Variants in WHAMM observed in about 807,000 individuals in gnomAD.
WHAMM encodes the protein WASP homolog-associated protein with actin, membranes and microtubules.
Under a neutral mutation model 76.5 loss-of-function variants are expected in WHAMM, and 67 were observed. The ratio of observed to expected loss-of-function variants is 0.88; its 90% confidence interval spans 0.72 to 1.07. WHAMM has a LOEUF of 1.07. Among genes scored for constraint, WHAMM ranks in the 50% least tolerant of loss-of-function variants. The probability of loss-of-function intolerance (pLI) is 0.00; values close to 1 mark genes in which losing one functional copy is unlikely to be tolerated. For synonymous variants in WHAMM, 419 were observed against 422.1 expected (o/e 0.99, Z 0.09); for missense variants, 1,021 against 1,051.1 (o/e 0.97, Z 0.40).
At chr15:82,822,890 T>C (rs1421577742) in intron 5 of WHAMM, among the ~76,000 whole-genome samples, 4 of 149,344 alleles carry the variant, frequency 2.7e-5, no homozygotes, top group African/African-American at 5.0e-5. Flanking sequence ...TACATGGATA[T>C]ACACACATGC....
chr15:82,815,138 TATATATATATATATATA>T lies in WHAMM; in HGVS notation c.784-1553_784-1537del, dbSNP rs1445735790. On this transcript the variant is annotated intron_variant, in intron 2 of 9. Coordinates refer to ENST00000286760, the MANE Select transcript of WHAMM (RefSeq NM_001080435.3). ...ATATATATATATATATATATATATATATATATATATATATATAGTACAATTCAGTGATTTTTAGTATA... is the reference window on the plus strand; with the variant it reads ...ATATATATATATATATATATATATATGTACAATTCAGTGATTTTTAGTATA... Among the ~76,000 whole-genome samples the T allele has an allele frequency of 3.7e-3, 130 of 35,090 alleles. 6 individuals are homozygous for T. Among genetic ancestry groups the T allele is most frequent in the African/African-American group, 0.02 (92 of 4,620 alleles). 23.0% of individuals were successfully genotyped at this position (35,090 alleles called of 152,430 possible).
At chr15:82,817,152 G>A (rs575955614) in intron 3 of WHAMM, among the ~76,000 whole-genome samples, 1 of 152,172 alleles carries the variant, frequency 6.6e-6, no homozygotes, top group Non-Finnish European at 1.5e-5. Context: ...GAGAAGTGGC[G>A]CTTGCCCCAA....
intron 1 of WHAMM, among the ~76,000 whole-genome samples, chr15:82,812,065 C>A (rs1400625852): frequency 1.3e-5 from 2 of 152,158 alleles, no homozygotes; most frequent in Admixed American, 1.3e-4. Flanking sequence ...AGTTTATTTT[C>A]TGCCCTGCAG....
chr15:82,821,123 G>T lies in WHAMM; in HGVS notation c.1270+1635G>T, dbSNP rs1369293959. ...TATGAAATGCCTATTCATAGTCTTT[G>T]TCCATTTTTCTTTGGAATATTTCCT... On this transcript the variant is annotated intron_variant, in intron 5 of 9. Coordinates refer to ENST00000286760, the MANE Select transcript of WHAMM (RefSeq NM_001080435.3). 2.0e-5 allele frequency among the ~76,000 whole-genome samples: 3 copies of T among 152,158 alleles called. No individual in the cohort carries two copies. In the East Asian group the frequency reaches 5.8e-4, roughly 29 times the overall value.
chr15:82,816,248 A>G (rs1350034758), intron 2 of WHAMM, among the ~76,000 whole-genome samples: 1 of 152,244 alleles, frequency 6.6e-6, no homozygotes, highest in Non-Finnish European at 1.5e-5. Flanking sequence ...TGTTATAAGC[A>G]TGAATATACA....
At position 82,830,709 on chromosome 15, in the gene WHAMM, A is replaced by G. The variant is rs1309118708; in HGVS notation, c.1752A>G (p.Ser584=). Residue 584 remains serine (S), a synonymous_variant, in exon 9 of 10, where the codon TCA becomes TCG. Coordinates refer to ENST00000286760, the MANE Select transcript of WHAMM (RefSeq NM_001080435.3). ...GCTTGCCAGCTTCCCACGCGGTGTC[A>G]GTAATTCACCCGTCCTCTAGGAAAA... ...QMCLPASHAV[S]VIHPSSRKTR... The G allele has an allele frequency of 2.5e-6, 4 of 1,613,890 alleles. No homozygotes were observed.
intron 5 of WHAMM, 73 bp from the exon 6 acceptor site, chr15:82,823,027 T>C: frequency 8.2e-7 from 1 of 1,218,742 alleles, no homozygotes; most frequent in Non-Finnish European, 1.1e-6. Flanking sequence ...TTATTTTTCT[T>C]ACATTTAAAA....
intron 6 of WHAMM, among the ~76,000 whole-genome samples, chr15:82,824,453 TG>T (rs1179900016): frequency 1.3e-5 from 2 of 152,202 alleles, no homozygotes; most frequent in Non-Finnish European, 2.9e-5. Flanking sequence ...CCTGAGTAGC[TG>T]GGATTACAGG....
chr15:82,827,450 T>C (rs559556135), intron 8 of WHAMM, among the ~76,000 whole-genome samples: 12 of 152,280 alleles, frequency 7.9e-5, no homozygotes, highest in African/African-American at 2.6e-4. Flanking sequence ...AGAGATAAAT[T>C]CCTTTAAAAA....
chr15:82,823,250 G>A lies in WHAMM; in HGVS notation c.1421G>A (p.Arg474Lys). The A allele has an allele frequency of 6.4e-7, 1 of 1,559,862 alleles. No homozygotes were observed. Among genetic ancestry groups the A allele is most frequent in the Non-Finnish European group, 8.7e-7 (1 of 1,150,462 alleles). Residue 474 changes from arginine (R) to lysine (K), a missense_variant, in exon 6 of 10, where the codon AGG becomes AAG. This residue lies in a region of WHAMM where 509 missense variants were observed against 492.3 expected (regional missense o/e 1.03). Transcript: ENST00000286760. Reference sequence around the variant, plus strand: ...CAGCAGCTGGAGTCTAAACGGGGCAGGATCTGTGCCAAAAGAGCCTCTCTC... The same window carrying A: ...CAGCAGCTGGAGTCTAAACGGGGCAAGATCTGTGCCAAAAGAGCCTCTCTC... ...QCQQLESKRGRICAKRASLRS... is the reference protein window; with the variant it reads ...QCQQLESKRGKICAKRASLRS...
intron 2 of WHAMM, among the ~76,000 whole-genome samples, chr15:82,814,712 A>G (rs1471092161): frequency 1.3e-5 from 2 of 151,422 alleles, no homozygotes; most frequent in Non-Finnish European, 2.9e-5. Context: ...TTGGGCTCCC[A>G]AAGTGCTGGG....
intron 6 of WHAMM, among the ~76,000 whole-genome samples, chr15:82,824,271 C>T (rs1265966599): frequency 1.3e-5 from 2 of 149,950 alleles, no homozygotes; most frequent in Non-Finnish European, 3.0e-5. Context: ...GAGTCTTCTG[C>T]CTCAGCCTCC....
Position 82,810,161 on chromosome 15 carries a change from G to C in WHAMM, c.435G>C (p.Leu145=). The part of the protein sequence containing the change: ...AGPGEAALQE[L]CGQLERYLGA... The stretch of plus-strand genomic sequence containing the variant: ...CCGGCGAGGCGGCGCTGCAGGAGCT[G>C]TGCGGGCAGCTGGAACGCTATCTGG... The change falls in exon 1 of 10, where the codon CTG becomes CTC. Residue 145 remains leucine (L), a synonymous_variant. Transcript: ENST00000286760. 6 of 1,397,332 alleles carry C rather than the reference G, an allele frequency of 4.3e-6. No homozygotes were observed. The highest frequency in any genetic ancestry group is 3.0e-5 in the African/African-American group (2 of 66,290). 86.6% of individuals were successfully genotyped at this position (1,397,332 alleles called of 1,614,324 possible). A position where few individuals can be genotyped will look rare whatever the true frequency, so the allele number is the denominator to read the frequency against.
rs762550826 is a variant in WHAMM at position 82,823,243 on chromosome 15, C to T, written c.1414C>T (p.Arg472Trp). 20 of 1,579,440 alleles carry T rather than the reference C, an allele frequency of 1.3e-5. No individual in the cohort carries two copies. Among genetic ancestry groups the T allele is most frequent in the Admixed American group, 6.9e-5 (4 of 57,554 alleles). ...GCAGTGCCAGCAGCTGGAGTCTAAA[C>T]GGGGCAGGATCTGTGCCAAAAGAGC... ...RRQCQQLESK[R>W]GRICAKRASL... is the part of the protein sequence containing the mutation. Residue 472 changes from arginine to tryptophan, a missense_variant, in exon 6 of 10, where the codon CGG becomes TGG. By Grantham distance (101) the Arg-to-Trp change is moderately radical (BLOSUM62 -3). This residue lies in a region of WHAMM where 509 missense variants were observed against 492.3 expected (regional missense o/e 1.03). Transcript: ENST00000286760.
intron 8 of WHAMM, 125 bp downstream of exon 8, chr15:82,826,971 C>G: frequency 9.3e-7 from 1 of 1,078,078 alleles, no homozygotes; most frequent in Non-Finnish European, 1.3e-6. Context: ...TTAAAAAATA[C>G]CATTATTTCT....
In WHAMM at chr15:82,833,999, A is replaced by G. The variant is rs2051086753; in HGVS notation, c.*463A>G. The stretch of plus-strand genomic sequence containing the variant: ...CGTGATCCGCCTGCCTCAGACTCCC[A>G]AAGTGCTGGGATTACAGGTGTGAGC... On this transcript the variant is annotated 3_prime_UTR_variant, in exon 10 of 10. Transcript: ENST00000286760. 2 of 161,106 alleles carry G rather than the reference A, an allele frequency of 1.2e-5. No individual in the cohort carries two copies. The highest frequency in any genetic ancestry group is 2.7e-5 in the Non-Finnish European group (2 of 73,046). 10.0% of individuals were successfully genotyped at this position (161,106 alleles called of 1,614,324 possible).
chr15:82,829,362 G>A (rs564072901), intron 8 of WHAMM, among the ~76,000 whole-genome samples: 13 of 152,216 alleles, frequency 8.5e-5, no homozygotes, highest in African/African-American at 2.2e-4. Context: ...TGCTGCAGCC[G>A]GGATGCCACA....
rs144146613 is a variant in WHAMM, at chr15:82,833,602, C to T, written c.*66C>T. ...TAAAGTGGGTGAGTCTTAGACCTAT[C>T]GAAAAGCATACTAACAGGGTGCTGA... On this transcript the variant is annotated 3_prime_UTR_variant, in exon 10 of 10. Coordinates refer to ENST00000286760, the MANE Select transcript of WHAMM (RefSeq NM_001080435.3). The T allele has an allele frequency of 6.7e-5, 102 of 1,527,822 alleles. No individual in the cohort carries two copies. Among genetic ancestry groups the T allele is most frequent in the Non-Finnish European group, 7.9e-5 (90 of 1,132,790 alleles). 94.6% of individuals were successfully genotyped at this position (1,527,822 alleles called of 1,614,324 possible).
intron 2 of WHAMM, 33 bp from the exon 3 acceptor site, chr15:82,816,659 T>G: frequency 6.5e-7 from 1 of 1,526,964 alleles, no homozygotes; most frequent in East Asian, 2.4e-5. Context: ...AACTATTAGC[T>G]CTTACTAAGA....
Sources: allele counts gnomAD v4.1 joint callset (sites outside exome capture counted in the v4.1 genomes callset), GRCh38; gene constraint gnomAD v4.1.1; regional missense constraint gnomAD v4.1.1; transcripts MANE v1.5; gene names NCBI Gene and HGNC (gene_info 2026-07-23, HGNC 2026-07-21).